Variants in RABEP2 observed in about 807,000 individuals in gnomAD.
RABEP2 encodes rab GTPase-binding effector protein 2.
RABEP2 carries 57 observed loss-of-function variants against 74.1 expected under a neutral mutation model. That is an observed-to-expected ratio of 0.77 (90% CI 0.62 to 0.96). The LOEUF (loss-of-function observed/expected upper bound fraction) is 0.96, where lower values mean the gene tolerates loss of function less well. Among genes scored for constraint, RABEP2 ranks in the 40% least tolerant of loss-of-function variants. RABEP2 has a pLI of 0.00. For missense variants in RABEP2, 692 were observed against 756.3 expected (o/e 0.91, Z 1.00); for synonymous variants, 351 against 344.0 (o/e 1.02, Z -0.23).
intron 7 of RABEP2, among the ~76,000 whole-genome samples, chr16:28,909,016 T>C (rs200458593): frequency 9.8e-6 from 1 of 102,098 alleles, no homozygotes; most frequent in Non-Finnish European, 2.0e-5. Flanking sequence ...TATATATATA[T>C]ATATATACAC....
intron 3 of RABEP2, among the ~76,000 whole-genome samples, chr16:28,919,323 TA>T (rs1385994040): frequency 6.6e-6 from 1 of 152,202 alleles, no homozygotes; most frequent in Non-Finnish European, 1.5e-5. Flanking sequence ...CTAATTTTTA[TA>T]TTTTGAGTAG....
rs372066627 is a variant in RABEP2 at position 28,911,005 on chromosome 16, G to A, written c.991-19C>T. ...CCTGCATCTGGGTTGGAGGGAGGGC[G>A]AAAGTGAGGGCAAGGGCATGTCAGG... On this transcript the variant is annotated intron_variant, in intron 6 of 12. Coordinates refer to ENST00000358201, the MANE Select transcript of RABEP2 (RefSeq NM_024816.3). The A allele has an allele frequency of 1.6e-4, 256 of 1,609,652 alleles. 1 individual carries two copies. Among genetic ancestry groups the A allele is most frequent in the Non-Finnish European group, 1.9e-4 (229 of 1,177,258 alleles).
intron 3 of RABEP2, among the ~76,000 whole-genome samples, chr16:28,916,459 G>A (rs1386893276): frequency 1.3e-5 from 2 of 149,904 alleles, no homozygotes; most frequent in African/African-American, 2.5e-5. Context: ...ATCACCTGAG[G>A]GCAGGAGTTT....
intron 2 of RABEP2, among the ~76,000 whole-genome samples, chr16:28,920,363 GTTA>G (rs147158210): frequency 0.27 from 37,853 of 141,446 alleles, 5,862 homozygotes; most frequent in Middle Eastern, 0.38. Flanking sequence ...ATTTTTTTTG[GTTA>G]TTATTATTAT....
chr16:28,920,283 G>T (rs1156539429), intron 2 of RABEP2, among the ~76,000 whole-genome samples: 1 of 151,746 alleles, frequency 6.6e-6, no homozygotes, highest in Non-Finnish European at 1.5e-5. Flanking sequence ...CCTTTCTCAG[G>T]CACACAGAAG....
In RABEP2 at chr16:28,919,819, G is replaced by C; in HGVS notation, c.399C>G (p.Tyr133Ter). The C allele has an allele frequency of 6.2e-7, 1 of 1,611,270 alleles. No homozygotes were observed. ...GRLKQLLSRA[Y>*]PLDSLEKQME... ...TCTGCTTCTCCAGGGAGTCCAGGGG[G>C]TAGGCCCGGGACAGCAGCTGCTTCA... Residue 133 changes from tyrosine (Y) to a stop codon, truncating the protein, a stop_gained, in exon 3 of 13, where the codon TAC (tyrosine) becomes TAG (stop). Transcript: ENST00000358201. LOFTEE classifies it high-confidence loss of function.
At chr16:28,919,557 ATAACT>A (rs1415158136) in intron 3 of RABEP2, 41 of 411,102 alleles carry the variant, frequency 1.0e-4, no homozygotes, top group East Asian at 1.8e-4. Context: ...TTCCCTCTAC[ATAACT>A]TAAGTTAATT....
intron 2 of RABEP2, among the ~76,000 whole-genome samples, chr16:28,922,312 C>A (rs189048363): frequency 1.3e-5 from 2 of 152,198 alleles, no homozygotes; most frequent in African/African-American, 4.8e-5. Context: ...CTGGGCCGGG[C>A]GTGCTGGCTC....
At chr16:28,924,870 T>C (rs1479553917) in intron 1 of RABEP2, 6 of 740,224 alleles carry the variant, frequency 8.1e-6, no homozygotes, top group African/African-American at 6.9e-5. Flanking sequence ...GCCCTCCTAG[T>C]GGCCGCGCCC....
At chr16:28,906,661 A>G (rs1964238735) in intron 8 of RABEP2, among the ~76,000 whole-genome samples, 1 of 152,124 alleles carries the variant, frequency 6.6e-6, no homozygotes, top group African/African-American at 2.4e-5. Context: ...GCTACTCCGG[A>G]GGCTGAGGCA....
intron 8 of RABEP2, 117 bp downstream of exon 8, chr16:28,908,492 T>A: frequency 9.0e-7 from 1 of 1,116,700 alleles, no homozygotes. Flanking sequence ...AGAAGGCAAA[T>A]GAGTTAGCCA....
In RABEP2 at chr16:28,919,836, G is replaced by A. The variant is rs1021290971; in HGVS notation, c.382C>T (p.Leu128=). The change falls in exon 3 of 13, where the codon CTG becomes TTG. Residue 128 remains leucine, a synonymous_variant. Transcript: ENST00000358201. ...KERELGRLKQ[L]LSRAYPLDSL... is the part of the protein sequence containing the mutation. ...TCCAGGGGGTAGGCCCGGGACAGCA[G>A]CTGCTTCAGGCGGCCCAGCTCCCGC... 8.7e-6 allele frequency: 14 copies of A among 1,611,956 alleles called. No homozygotes were observed. In the African/African-American group the frequency reaches 1.7e-4, roughly 20 times the overall value.
chr16:28,905,013 G>A lies in RABEP2; in HGVS notation c.1640C>T (p.Thr547Ile). The change falls in exon 13 of 13, where the codon ACC (threonine) becomes ATC (isoleucine). Residue 547 changes from threonine to isoleucine, a missense_variant. Physicochemically the swap from Thr to Ile is moderately conservative, Grantham distance 89 (BLOSUM62 -1). Coordinates refer to ENST00000358201, the MANE Select transcript of RABEP2 (RefSeq NM_024816.3). ...CATGATGCTGCGCACTTGCTCCAGGGTCTCAGCCTGGCGGATCCGCTCTAG... is the reference window on the plus strand; with the variant it reads ...CATGATGCTGCGCACTTGCTCCAGGATCTCAGCCTGGCGGATCCGCTCTAG... ...VRLERIRQAETLEQVRSIMDE... is the reference protein window; with the variant it reads ...VRLERIRQAEILEQVRSIMDE... The A allele has an allele frequency of 6.2e-7, 1 of 1,610,634 alleles. No homozygotes were observed. Among genetic ancestry groups the A allele is most frequent in the Non-Finnish European group, 8.5e-7 (1 of 1,179,698 alleles).
intron 2 of RABEP2, among the ~76,000 whole-genome samples, chr16:28,920,505 CGTCCTGT>C (rs1270932496): frequency 6.6e-6 from 1 of 151,650 alleles, no homozygotes; most frequent in Non-Finnish European, 1.5e-5. Flanking sequence ...CGTGCCTCAG[CGTCCTGT>C]GTAGCTGGGA....
intron 12 of RABEP2, 43 bp downstream of exon 12, chr16:28,905,354 G>C: frequency 1.4e-6 from 2 of 1,449,842 alleles, no homozygotes; most frequent in Admixed American, 1.8e-5. Context: ...GAGGTCACCC[G>C]GAGTGGAGCC....
At chr16:28,922,779 A>T (rs1202607722) in intron 2 of RABEP2, among the ~76,000 whole-genome samples, 2 of 152,070 alleles carry the variant, frequency 1.3e-5, no homozygotes, top group African/African-American at 2.4e-5. Flanking sequence ...CTGTAGTCCC[A>T]GCTACTTGGG....
At chr16:28,921,771 C>G (rs922809441) in intron 2 of RABEP2, among the ~76,000 whole-genome samples, 1 of 150,634 alleles carries the variant, frequency 6.6e-6, no homozygotes, top group Non-Finnish European at 1.5e-5. Flanking sequence ...TCGAGACCAG[C>G]CTGGCCAACA....
chr16:28,915,875 T>C (rs2152221783), intron 3 of RABEP2, among the ~76,000 whole-genome samples: 1 of 143,668 alleles, frequency 7.0e-6, no homozygotes, highest in Non-Finnish European at 1.5e-5. Context: ...GTTTCATTCT[T>C]GTTGCCCAAG....
intron 3 of RABEP2, among the ~76,000 whole-genome samples, chr16:28,915,966 A>G (rs1161855510): frequency 2.6e-5 from 4 of 151,980 alleles, no homozygotes; most frequent in Non-Finnish European, 5.9e-5. Context: ...CAGCCTCCCA[A>G]GTAGCTAGAA....
Sources: allele counts gnomAD v4.1 joint callset (sites outside exome capture counted in the v4.1 genomes callset), GRCh38; gene constraint gnomAD v4.1.1; transcripts MANE v1.5; gene names NCBI Gene and HGNC (gene_info 2026-07-23, HGNC 2026-07-21).